ARFGAP3: variants seen among roughly 807,000 people sequenced by gnomAD.
ARFGAP3 encodes ARF GTPase activating protein 3, also known as ADP-ribosylation factor GTPase-activating protein 3.
ARFGAP3 carries 72 observed loss-of-function variants against 75.0 expected under a neutral mutation model. The observed-to-expected ratio is 0.96, with a 90% confidence interval of 0.79 to 1.17. ARFGAP3 has a LOEUF of 1.17. Ranked by LOEUF, ARFGAP3 falls within the 50% of genes most tolerant of loss-of-function variation. ARFGAP3 has a pLI of 0.00. For synonymous variants in ARFGAP3, 221 were observed against 217.9 expected, an observed-to-expected ratio of 1.01 and a Z score of -0.13; for missense variants, 620 against 626.6, an observed-to-expected ratio of 0.99 and a Z score of 0.11.
intron 1 of ARFGAP3, among the ~76,000 whole-genome samples, chr22:42,852,782 T>C (rs967548364): frequency 2.6e-5 from 4 of 151,960 alleles, no homozygotes; most frequent in Non-Finnish European, 4.4e-5. Context: ...TGTGTGCGTG[T>C]GAGATGGAGT....
chr22:42,826,183 T>C (rs1228438715), intron 7 of ARFGAP3, among the ~76,000 whole-genome samples: 1 of 152,156 alleles, frequency 6.6e-6, no homozygotes, highest in Non-Finnish European at 1.5e-5. Flanking sequence ...CAATTACAAA[T>C]TATAATTCCT....
At chr22:42,823,770 A>C in intron 7 of ARFGAP3, 68 bp from the exon 8 acceptor site, 1 of 1,380,910 alleles carries the variant, frequency 7.2e-7, no homozygotes, top group African/African-American at 1.5e-5. Context: ...TGTGTCTTTT[A>C]AAATTCTAAG....
At chr22:42,835,947 A>C (rs1926501407) in intron 3 of ARFGAP3, among the ~76,000 whole-genome samples, 1 of 149,916 alleles carries the variant, frequency 6.7e-6, no homozygotes, top group South Asian at 2.1e-4. Flanking sequence ...TCTACTCAGG[A>C]CTACTTTTAA....
intron 10 of ARFGAP3, 115 bp downstream of exon 10, chr22:42,817,614 T>G (rs1476851787): frequency 2.2e-6 from 2 of 898,110 alleles, no homozygotes; most frequent in Non-Finnish European, 1.7e-6. Context: ...ATTAGAGAAG[T>G]TAATGAATAA....
intron 1 of ARFGAP3, among the ~76,000 whole-genome samples, chr22:42,850,046 TC>T (rs1927205273): frequency 6.6e-6 from 1 of 152,136 alleles, no homozygotes; most frequent in Non-Finnish European, 1.5e-5. Context: ...TATTGCCAGC[TC>T]AAAAATTACT....
At chr22:42,833,607 T>C (rs901239774) in intron 5 of ARFGAP3, among the ~76,000 whole-genome samples, 5 of 152,122 alleles carry the variant, frequency 3.3e-5, no homozygotes, top group Admixed American at 6.5e-5. Flanking sequence ...AATACAAAAA[T>C]TAGCCAGGTG....
At chr22:42,804,183 G>T (rs1047116811) in intron 14 of ARFGAP3, among the ~76,000 whole-genome samples, 28 of 151,194 alleles carry the variant, frequency 1.9e-4, no homozygotes, top group African/African-American at 6.8e-4. Flanking sequence ...GATTATAGGG[G>T]TGAGCCACCA....
chr22:42,851,658 A>G (rs949029804), intron 1 of ARFGAP3, among the ~76,000 whole-genome samples: 23 of 152,224 alleles, frequency 1.5e-4, no homozygotes, highest in African/African-American at 5.3e-4. Context: ...TCCTCCTGCT[A>G]TACCAGGAGG....
chr22:42,821,003 C>T (rs920368399), intron 9 of ARFGAP3, among the ~76,000 whole-genome samples: 1 of 152,164 alleles, frequency 6.6e-6, no homozygotes, highest in African/African-American at 2.4e-5. Flanking sequence ...CACAGCCTGA[C>T]TTTAAGGTGC....
chr22:42,840,840 A>G, intron 3 of ARFGAP3, 104 bp downstream of exon 3: 1 of 1,204,980 alleles, frequency 8.3e-7, no homozygotes. Context: ...CAAATGGCTG[A>G]GATTACAGGC....
At chr22:42,842,510 C>G (rs1045174724) in intron 2 of ARFGAP3, among the ~76,000 whole-genome samples, 1 of 151,250 alleles carries the variant, frequency 6.6e-6, no homozygotes, top group African/African-American at 2.4e-5. Context: ...TGCAGTGAGG[C>G]GATCTCAGCT....
chr22:42,822,247 T>A, intron 9 of ARFGAP3, 23 bp downstream of exon 9: 1 of 1,588,152 alleles, frequency 6.3e-7, no homozygotes, highest in Non-Finnish European at 8.6e-7. Context: ...GAAAATGTAT[T>A]AATATAATGA....
intron 12 of ARFGAP3, among the ~76,000 whole-genome samples, chr22:42,809,774 C>T (rs566844810): frequency 5.9e-5 from 9 of 151,978 alleles, no homozygotes; most frequent in Admixed American, 3.9e-4. Flanking sequence ...GAGGCCAAGA[C>T]GGGTGGATCA....
chr22:42,834,184 C>T lies in ARFGAP3; in HGVS notation c.477+58G>A. On this transcript the variant is annotated intron_variant, in intron 5 of 15. Transcript: ENST00000263245. ...TACATCCTAACATTTTAAATATGCA[C>T]CTTTTGTTAACTGTCAGAGTAAGCA... 3.3e-6 allele frequency: 5 copies of T among 1,499,044 alleles called. No homozygotes were observed. In the South Asian group the frequency reaches 3.5e-5, roughly 11 times the overall value. 92.9% of individuals were successfully genotyped at this position (1,499,044 alleles called of 1,614,324 possible). A position where few individuals can be genotyped will look rare whatever the true frequency, so the allele number is the denominator to read the frequency against.
intron 11 of ARFGAP3, 144 bp from the exon 12 acceptor site, chr22:42,811,088 G>T: frequency 7.6e-7 from 1 of 1,322,986 alleles, no homozygotes; most frequent in Non-Finnish European, 1.0e-6. Context: ...GACAGGAGCA[G>T]ACACGAGGTG....
chr22:42,842,514 C>T (rs1216378793), intron 2 of ARFGAP3, among the ~76,000 whole-genome samples: 1 of 151,486 alleles, frequency 6.6e-6, no homozygotes. Flanking sequence ...GTGAGGCGAT[C>T]TCAGCTCATG....
At position 42,836,244 on chromosome 22, in the gene ARFGAP3, T is replaced by G. The variant is rs545583753; in HGVS notation, c.262-751A>C. Among the ~76,000 whole-genome samples the G allele has an allele frequency of 3.3e-5, 5 of 152,266 alleles. No homozygotes were observed. In the East Asian group the frequency reaches 9.7e-4, roughly 29 times the overall value. On this transcript the variant is annotated intron_variant, in intron 3 of 15. Coordinates refer to ENST00000263245, the MANE Select transcript of ARFGAP3 (RefSeq NM_014570.5). ...CACTTGCCTTGGCCTCACAAAGTGC[T>G]GGATTACAGGCGTGAGCCACCGCTC...
At chr22:42,837,617 T>A (rs1452167294) in intron 3 of ARFGAP3, among the ~76,000 whole-genome samples, 1 of 73,872 alleles carries the variant, frequency 1.4e-5, no homozygotes, top group Non-Finnish European at 2.6e-5. Flanking sequence ...TGAGACTCTA[T>A]CTCAAAAAAA....
chr22:42,808,482 G>T (rs1283331049), intron 13 of ARFGAP3, among the ~76,000 whole-genome samples: 2 of 151,974 alleles, frequency 1.3e-5, no homozygotes, highest in Non-Finnish European at 2.9e-5. Context: ...ACCAACAATT[G>T]AAATATATTC....
Sources: allele counts gnomAD v4.1 joint callset (sites outside exome capture counted in the v4.1 genomes callset), GRCh38; gene constraint gnomAD v4.1.1; transcripts MANE v1.5; gene names NCBI Gene and HGNC (gene_info 2026-07-23, HGNC 2026-07-21).